The following NOS1AP variants were observed in gnomAD, a reference collection of about 807,000 sequenced individuals.
The protein encoded by NOS1AP is nitric oxide synthase 1 adaptor protein, also known as carboxyl-terminal PDZ ligand of neuronal nitric oxide synthase protein.
In NOS1AP, 21 loss-of-function variants were observed where a neutral mutation model predicts 56.2. The observed-to-expected ratio is 0.37, with a 90% confidence interval of 0.26 to 0.54. The LOEUF is 0.54. Ranked by LOEUF, NOS1AP falls within the 20% of genes least tolerant of loss-of-function variation. NOS1AP has a pLI of 0.84. For missense variants in NOS1AP, 522 were observed against 657.8 expected (o/e 0.79, Z 2.26); for synonymous variants, 270 against 274.6 (o/e 0.98, Z 0.17).
intron 1 of NOS1AP, among the ~76,000 whole-genome samples, chr1:162,107,615 A>T (rs894553982): frequency 6.6e-6 from 1 of 152,206 alleles, no homozygotes; most frequent in African/African-American, 2.4e-5. Flanking sequence ...GAGTGGCAGG[A>T]TTACAGGCAT....
At chr1:162,171,719 C>G (rs995830988) in intron 2 of NOS1AP, among the ~76,000 whole-genome samples, 21 of 152,200 alleles carry the variant, frequency 1.4e-4, no homozygotes, top group African/African-American at 4.8e-4. Flanking sequence ...GAACTCATCT[C>G]CTCTCACCTA....
At position 162,306,443 on chromosome 1, in the gene NOS1AP, G is replaced by A. The variant is rs193132258; in HGVS notation, c.344+5737G>A. Among the ~76,000 whole-genome samples, 32 of 152,248 alleles carry A rather than the reference G, an allele frequency of 2.1e-4. No homozygotes were observed. In the East Asian group the frequency reaches 3.9e-3, roughly 18 times the overall value. On this transcript the variant is annotated intron_variant, in intron 4 of 9. Transcript: ENST00000361897. ...ATAGCTGGAGCTATTATGACCTCCA[G>A]CACATAATAGCTGCTGCTTCACTCC...
chr1:162,278,360 T>C (rs146427019), intron 2 of NOS1AP, among the ~76,000 whole-genome samples: 1 of 152,216 alleles, frequency 6.6e-6, no homozygotes, highest in African/African-American at 2.4e-5. Context: ...TAGCTAAGAA[T>C]GTGAATACTT....
chr1:162,160,244 T>G (rs371821677), intron 2 of NOS1AP, among the ~76,000 whole-genome samples: 2 of 152,138 alleles, frequency 1.3e-5, no homozygotes, highest in East Asian at 1.9e-4. Context: ...TGACTTGGTT[T>G]CTCAAGTGTG....
chr1:162,269,455 A>C (rs150837809), intron 2 of NOS1AP, among the ~76,000 whole-genome samples: 69 of 152,320 alleles, frequency 4.5e-4, no homozygotes, highest in African/African-American at 1.6e-3. Context: ...AATAGATAAA[A>C]CACATTCAGG....
chr1:162,274,362 G>A (rs1488512955), intron 2 of NOS1AP, among the ~76,000 whole-genome samples: 1 of 152,146 alleles, frequency 6.6e-6, no homozygotes, highest in Non-Finnish European at 1.5e-5. Flanking sequence ...CTGCAGGCTG[G>A]AGAGGAGAAT....
intron 1 of NOS1AP, among the ~76,000 whole-genome samples, chr1:162,152,242 G>T (rs1021822965): frequency 3.3e-4 from 50 of 152,202 alleles, no homozygotes; most frequent in Admixed American, 1.3e-4. Context: ...CCAGTGGGAG[G>T]ACTATACAGT....
rs79952763 is a variant in NOS1AP, at chr1:162,196,851, C to A, written c.177+42375C>A. On this transcript the variant is annotated intron_variant, in intron 2 of 9. Coordinates refer to ENST00000361897, the MANE Select transcript of NOS1AP (RefSeq NM_014697.3). ...GATGGTCAGTAAAACATTTATTGTG[C>A]GAACGAATCTAGAGTAGAGTAGGGC... 1.4e-4 allele frequency among the ~76,000 whole-genome samples: 22 copies of A among 152,294 alleles called. No individual in the cohort carries two copies. In the East Asian group the frequency reaches 4.2e-3, roughly 29 times the overall value.
chr1:162,367,212 C>G lies in NOS1AP; in HGVS notation c.1266C>G (p.Arg422=), dbSNP rs1658119078. 6.2e-7 allele frequency: 1 copy of G among 1,613,932 alleles called. No individual in the cohort carries two copies. Among genetic ancestry groups the G allele is most frequent in the Non-Finnish European group, 8.5e-7 (1 of 1,179,980 alleles). Residue 422 remains arginine, a synonymous_variant, in exon 10 of 10, where the codon CGC becomes CGG. Transcript: ENST00000361897. This position sits in a 1 kb window ranked among gnomAD's most constrained non-coding sequence, Gnocchi z 6.5. ...AHPAGSPLGR[R]DCLVKLECFR... ...CTGCGGGCAGCCCCTTAGGTAGGCG[C>G]GACTGCTTGGTGAAGCTGGAGTGCT...
At chr1:162,171,239 T>C (rs1650766481) in intron 2 of NOS1AP, among the ~76,000 whole-genome samples, 2 of 152,204 alleles carry the variant, frequency 1.3e-5, no homozygotes, top group South Asian at 4.1e-4. Context: ...GGAAGGAACC[T>C]GAGGCATGAA....
chr1:162,255,490 A>ATTTTTTTTTCTTTTTTTTTTTTTTTT (rs1653998207), intron 2 of NOS1AP, among the ~76,000 whole-genome samples: 1 of 60,974 alleles, frequency 1.6e-5, no homozygotes, highest in Non-Finnish European at 3.5e-5. Flanking sequence ...GCTGCTGCTG[A>ATTTTTTTTTCTTTTTTTTTTTTTTTT]TTTTTTTTTT....
At chr1:162,252,917 T>C (rs751280224) in intron 2 of NOS1AP, among the ~76,000 whole-genome samples, 6 of 152,210 alleles carry the variant, frequency 3.9e-5, no homozygotes, top group Admixed American at 6.5e-5. Context: ...AATATTTCCA[T>C]TATTACAGAA....
chr1:162,231,094 T>C (rs1653109913), intron 2 of NOS1AP, among the ~76,000 whole-genome samples: 1 of 152,220 alleles, frequency 6.6e-6, no homozygotes, highest in Admixed American at 6.5e-5. Context: ...TCATTTTACA[T>C]TTCCACCAAC....
At chr1:162,304,203 C>T (rs1655745604) in intron 4 of NOS1AP, among the ~76,000 whole-genome samples, 1 of 152,206 alleles carries the variant, frequency 6.6e-6, no homozygotes, top group East Asian at 1.9e-4. Context: ...TCTTCCTTCT[C>T]TCTGTTCCTC....
rs1656736741 is a variant in NOS1AP at position 162,330,666 on chromosome 1, A to G, written c.345-2351A>G. Among the ~76,000 whole-genome samples, 5 of 152,192 alleles carry G rather than the reference A, an allele frequency of 3.3e-5. No homozygotes were observed. In the South Asian group the frequency reaches 8.3e-4, roughly 25 times the overall value. ...GCCTTTGGATGGCTTTAAGAGGAAAATGATGGGATGTAATTTGTCTTTTTT... is the reference window on the plus strand; with the variant it reads ...GCCTTTGGATGGCTTTAAGAGGAAAGTGATGGGATGTAATTTGTCTTTTTT... On this transcript the variant is annotated intron_variant, in intron 4 of 9. Coordinates refer to ENST00000361897, the MANE Select transcript of NOS1AP (RefSeq NM_014697.3).
At chr1:162,187,448 C>T (rs1651479841) in intron 2 of NOS1AP, among the ~76,000 whole-genome samples, 1 of 152,200 alleles carries the variant, frequency 6.6e-6, no homozygotes, top group Non-Finnish European at 1.5e-5. Flanking sequence ...TAGTTTCTCA[C>T]AGCTGTCAAC....
chr1:162,148,281 TA>T (rs1177784590), intron 1 of NOS1AP, among the ~76,000 whole-genome samples: 1 of 152,174 alleles, frequency 6.6e-6, no homozygotes, highest in African/African-American at 2.4e-5. Context: ...CAGTCAAATG[TA>T]TTTTGAGCAT....
At chr1:162,225,433 T>G (rs962563441) in intron 2 of NOS1AP, among the ~76,000 whole-genome samples, 4 of 152,342 alleles carry the variant, frequency 2.6e-5, no homozygotes, top group Admixed American at 6.5e-5. Flanking sequence ...AGCCTCAGTT[T>G]CCTGCCTGTA....
intron 3 of NOS1AP, among the ~76,000 whole-genome samples, chr1:162,288,548 C>T (rs148609549): frequency 5.1e-4 from 77 of 152,208 alleles, no homozygotes; most frequent in South Asian, 4.4e-3. Flanking sequence ...TTATAATGTC[C>T]GTACAAGGGG....
Sources: gnomAD v4.1 joint callset for allele counts (sites outside exome capture counted in the v4.1 genomes callset) on GRCh38, gnomAD v4.1.1 for gene constraint, Gnocchi (gnomAD v3.1) non-coding constraint, MANE v1.5 for transcripts, NCBI Gene and HGNC (gene_info 2026-07-23, HGNC 2026-07-21) for gene names.